Variants in TNFAIP8 observed in about 807,000 individuals in gnomAD.
The protein encoded by TNFAIP8 is TNF alpha induced protein 8, also known as tumor necrosis factor alpha-induced protein 8.
In TNFAIP8, 7 loss-of-function variants were observed where a neutral mutation model predicts 13.3. The observed-to-expected ratio is 0.52, with a 90% confidence interval of 0.30 to 0.99. The LOEUF is 0.99. Ranked by LOEUF, TNFAIP8 falls within the 50% of genes least tolerant of loss-of-function variation. The pLI, the probability that TNFAIP8 is intolerant of heterozygous loss-of-function variation, is 0.07. For synonymous variants in TNFAIP8, 94 were observed against 87.6 expected, an observed-to-expected ratio of 1.07 and a Z score of -0.41; for missense variants, 258 against 236.9, an observed-to-expected ratio of 1.09 and a Z score of -0.58.
rs546779158 is a variant in TNFAIP8, at chr5:119,379,075, AAAAC to A, written c.32-13737_32-13734del. On this transcript the variant is annotated intron_variant, in intron 1 of 1. Transcript: ENST00000504771. ...GAGACATTGTCTTTTAAAAATAAAT[AAAAC>A]AAAAGATAGTTTGTATCCATATTTA... Among the ~76,000 whole-genome samples the A allele has an allele frequency of 1.1e-4, 17 of 152,234 alleles. No homozygotes were observed. The South Asian group carries it at 3.5e-3, about 32-fold the overall frequency.
intron 1 of TNFAIP8, among the ~76,000 whole-genome samples, chr5:119,392,560 C>T (rs556005758): frequency 3.9e-4 from 59 of 151,984 alleles, no homozygotes; most frequent in African/African-American, 1.3e-3. Context: ...CCATGTAGGC[C>T]GGGCTGGTCT....
At chr5:119,339,574 T>C (rs988883296) in intron 1 of TNFAIP8, among the ~76,000 whole-genome samples, 2 of 151,562 alleles carry the variant, frequency 1.3e-5, no homozygotes, top group African/African-American at 4.9e-5. Flanking sequence ...AAATGTCAGA[T>C]GCTATCAGGG....
Position 119,358,500 on chromosome 5 carries a change from CAG to C in TNFAIP8, c.31+2383_31+2384del, listed in dbSNP as rs1260002242. Among the ~76,000 whole-genome samples the C allele has an allele frequency of 3.3e-5, 5 of 152,022 alleles. 1 individual carries two copies. The highest frequency in any genetic ancestry group is 7.4e-5 in the Non-Finnish European group (5 of 68,000). ...TAAGTGATTGTGCTTGGGTATTAAA[CAG>C]AGAAAAATAATCCAGGCCTTGCTTT... On this transcript the variant is annotated intron_variant, in intron 1 of 1. Coordinates refer to ENST00000504771, the MANE Select transcript of TNFAIP8 (RefSeq NM_014350.4).
chr5:119,391,161 A>C (rs926340425), intron 1 of TNFAIP8, among the ~76,000 whole-genome samples: 1 of 152,012 alleles, frequency 6.6e-6, no homozygotes, highest in African/African-American at 2.4e-5. Flanking sequence ...CCAACATGGC[A>C]GTTCTGGATT....
At chr5:119,371,220 C>T (rs1752056950) in intron 1 of TNFAIP8, among the ~76,000 whole-genome samples, 1 of 152,114 alleles carries the variant, frequency 6.6e-6, no homozygotes, top group African/African-American at 2.4e-5. Flanking sequence ...ATATACCCTG[C>T]ATTGGACTGT....
At chr5:119,301,752 A>G (rs1749401608) in intron 1 of TNFAIP8, among the ~76,000 whole-genome samples, 1 of 152,242 alleles carries the variant, frequency 6.6e-6, no homozygotes. Context: ...ACCAGGAATC[A>G]ACCTGGAAGT....
chr5:119,293,842 G>C (rs1185436889), intron 1 of TNFAIP8, among the ~76,000 whole-genome samples: 1 of 152,116 alleles, frequency 6.6e-6, no homozygotes, highest in Non-Finnish European at 1.5e-5. Flanking sequence ...ATGAATGCTT[G>C]AAAATTTGAA....
At chr5:119,272,703 A>G (rs1301120988) in intron 1 of TNFAIP8, among the ~76,000 whole-genome samples, 2 of 152,200 alleles carry the variant, frequency 1.3e-5, no homozygotes, top group African/African-American at 4.8e-5. Flanking sequence ...TTTAGACAGC[A>G]GTTGTTTTTT....
intron 1 of TNFAIP8, among the ~76,000 whole-genome samples, chr5:119,377,319 C>G (rs1350146644): frequency 2.0e-5 from 3 of 151,800 alleles, no homozygotes; most frequent in Admixed American, 1.3e-4. Flanking sequence ...GAAAGGATCA[C>G]TTGAGCTTAG....
At chr5:119,370,176 T>C (rs1048974029) in intron 1 of TNFAIP8, among the ~76,000 whole-genome samples, 1 of 152,226 alleles carries the variant, frequency 6.6e-6, no homozygotes, top group Non-Finnish European at 1.5e-5. Context: ...GAATTTAACA[T>C]CTTTGGAGTT....
At chr5:119,276,096 G>A (rs1456011694) in intron 1 of TNFAIP8, among the ~76,000 whole-genome samples, 1 of 151,752 alleles carries the variant, frequency 6.6e-6, no homozygotes, top group Non-Finnish European at 1.5e-5. Context: ...GCTTTAATCA[G>A]TCTTTCGTTA....
intron 1 of TNFAIP8, among the ~76,000 whole-genome samples, chr5:119,276,614 C>G (rs1195841607): frequency 6.6e-6 from 1 of 152,166 alleles, no homozygotes; most frequent in Non-Finnish European, 1.5e-5. Context: ...GGCCTCCCTC[C>G]TTGCCTTTCA....
In TNFAIP8 at chr5:119,321,875, C is replaced by T. The variant is rs1750068415; in HGVS notation, c.1+52968C>T. On this transcript the variant is annotated intron_variant, in intron 1 of 1. Coordinates refer to the TNFAIP8 transcript ENST00000274456. ...CAAACTCCCCACTCCTTACCAGGAG[C>T]TACAGGCTCCCCTTCATGTGGCCTC... Among the ~76,000 whole-genome samples the T allele has an allele frequency of 2.0e-5, 3 of 152,186 alleles. No homozygotes were observed. In the South Asian group the frequency reaches 6.2e-4, roughly 32 times the overall value.
chr5:119,306,512 G>A (rs1378596055), intron 1 of TNFAIP8: 1 of 152,034 alleles, frequency 6.6e-6, no homozygotes, highest in Non-Finnish European at 1.5e-5. Flanking sequence ...CACCATATTG[G>A]TGCTGAACTT....
chr5:119,321,962 C>G (rs926877006), intron 1 of TNFAIP8, among the ~76,000 whole-genome samples: 2 of 152,166 alleles, frequency 1.3e-5, no homozygotes, highest in Admixed American at 6.5e-5. Flanking sequence ...TCAGGCCACA[C>G]TGACCACCAT....
chr5:119,278,356 A>G (rs1395338249), intron 1 of TNFAIP8, among the ~76,000 whole-genome samples: 3 of 132,898 alleles, frequency 2.3e-5, no homozygotes, highest in Non-Finnish European at 4.8e-5. Context: ...GAAGGGGGAG[A>G]GAGAGAGAGA....
At chr5:119,344,407 A>G (rs1434025606) in intron 1 of TNFAIP8, among the ~76,000 whole-genome samples, 2 of 152,156 alleles carry the variant, frequency 1.3e-5, no homozygotes, top group Non-Finnish European at 2.9e-5. Context: ...CATGACCCAA[A>G]CACCTCCTAT....
chr5:119,395,874 C>G lies in TNFAIP8; in HGVS notation c.*2493C>G, dbSNP rs1753060742. 2.6e-5 allele frequency: 4 copies of G among 152,248 alleles called. No individual in the cohort carries two copies. The South Asian group carries it at 8.3e-4, about 32-fold the overall frequency. The allele number at this position is 152,248 out of a possible 1,614,324, so 9.4% of individuals were successfully genotyped here. On this transcript the variant is annotated 3_prime_UTR_variant, in exon 2 of 2. Coordinates refer to ENST00000504771, the MANE Select transcript of TNFAIP8 (RefSeq NM_014350.4). ...TATGAACCTTTTTATAAAATAGTAT[C>G]TGTTCACGTTTTGAAAAAAATTGTG...
At chr5:119,391,594 T>C (rs1273508843) in intron 1 of TNFAIP8, 2 of 512,640 alleles carry the variant, frequency 3.9e-6, no homozygotes, top group Non-Finnish European at 7.2e-6. Flanking sequence ...ACCCCGTCTC[T>C]ACTGAAAATA....
Sources: gnomAD v4.1 joint callset for allele counts (sites outside exome capture counted in the v4.1 genomes callset) on GRCh38, gnomAD v4.1.1 for gene constraint, MANE v1.5 for transcripts, NCBI Gene and HGNC (gene_info 2026-07-23, HGNC 2026-07-21) for gene names.